DYM: variants seen among roughly 807,000 people sequenced by gnomAD.
DYM encodes dyggve-Melchior-Clausen syndrome protein.
Under a neutral mutation model 93.1 loss-of-function variants are expected in DYM, and 78 were observed. The observed-to-expected ratio is 0.84, with a 90% CI of 0.70 to 1.01. DYM has a LOEUF of 1.01. Ranked by LOEUF, DYM falls within the 50% of genes least tolerant of loss-of-function variation. The pLI is 0.00. For missense variants in DYM, 789 were observed against 845.0 expected (o/e 0.93, Z 0.82); for synonymous variants, 321 against 319.7 (o/e 1.00, Z -0.04).
At chr18:49,067,409 T>G (rs923165304) in intron 17 of DYM, among the ~76,000 whole-genome samples, 8 of 63,680 alleles carry the variant, frequency 1.3e-4, no homozygotes, top group South Asian at 5.8e-4. Flanking sequence ...GTGATGTGAG[T>G]GTTATGGAGG....
chr18:49,333,582 C>A, intron 7 of DYM, 146 bp downstream of exon 7: 1 of 841,544 alleles, frequency 1.2e-6, no homozygotes, highest in Admixed American at 2.1e-5. Context: ...AATGCGGTTC[C>A]CTATGCACTG....
At chr18:49,224,765 T>G (rs1399306977) in intron 13 of DYM, among the ~76,000 whole-genome samples, 1 of 152,114 alleles carries the variant, frequency 6.6e-6, no homozygotes, top group Non-Finnish European at 1.5e-5. Flanking sequence ...AAATGTCTGT[T>G]GTTTATAAGC....
chr18:49,447,060 C>CAAA (rs59079856), intron 1 of DYM, among the ~76,000 whole-genome samples: 73 of 98,448 alleles, frequency 7.4e-4, no homozygotes, highest in Middle Eastern at 6.6e-3. Context: ...GACTCCATCA[C>CAAA]AAAAAAAAAA....
At chr18:49,368,221 C>T (rs2066687951) in intron 5 of DYM, among the ~76,000 whole-genome samples, 1 of 152,156 alleles carries the variant, frequency 6.6e-6, no homozygotes, top group Admixed American at 6.5e-5. Flanking sequence ...ATAATATACT[C>T]TACCAGGTTT....
chr18:49,291,253 C>T (rs529472353), intron 8 of DYM, among the ~76,000 whole-genome samples: 5 of 152,202 alleles, frequency 3.3e-5, no homozygotes, highest in South Asian at 2.1e-4. Flanking sequence ...TTGTTTCTGC[C>T]GAACTAACAC....
chr18:49,330,733 GATCA>G (rs1279547136), intron 8 of DYM, among the ~76,000 whole-genome samples: 1 of 152,078 alleles, frequency 6.6e-6, no homozygotes, highest in Non-Finnish European at 1.5e-5. Context: ...AACAGTAATA[GATCA>G]ATTAAGCCTT....
At chr18:49,108,388 C>T (rs144328463) in intron 16 of DYM, among the ~76,000 whole-genome samples, 22 of 152,310 alleles carry the variant, frequency 1.4e-4, no homozygotes, top group Middle Eastern at 3.4e-3. Context: ...CTTCGGCTCA[C>T]GCGCAGTGCG....
chr18:49,240,333 CAG>C (rs756088971), intron 13 of DYM, among the ~76,000 whole-genome samples: 1 of 151,970 alleles, frequency 6.6e-6, no homozygotes, highest in Non-Finnish European at 1.5e-5. Context: ...TTTCATATGT[CAG>C]TTATACTGAC....
chr18:49,304,660 C>T (rs1385033486), intron 8 of DYM, among the ~76,000 whole-genome samples: 1 of 152,158 alleles, frequency 6.6e-6, no homozygotes, highest in African/African-American at 2.4e-5. Flanking sequence ...CATTTCTCCT[C>T]AAACATCCCA....
At chr18:49,074,723 G>A (rs1049871027) in intron 17 of DYM, among the ~76,000 whole-genome samples, 5 of 152,118 alleles carry the variant, frequency 3.3e-5, no homozygotes, top group East Asian at 1.9e-4. Context: ...CGAGTTTAAC[G>A]GCCAAAAGCA....
At chr18:49,197,040 C>A (rs371625557) in intron 14 of DYM, among the ~76,000 whole-genome samples, 1 of 152,040 alleles carries the variant, frequency 6.6e-6, no homozygotes, top group Non-Finnish European at 1.5e-5. Flanking sequence ...AGATGGTGGG[C>A]AGAAGCAACT....
At chr18:49,091,637 T>G (rs1302907661) in intron 17 of DYM, among the ~76,000 whole-genome samples, 1 of 152,212 alleles carries the variant, frequency 6.6e-6, no homozygotes, top group Non-Finnish European at 1.5e-5. Flanking sequence ...TCCATGGGTC[T>G]GGGGTAGGGC....
chr18:49,393,097 G>A (rs1204561153), intron 2 of DYM, among the ~76,000 whole-genome samples: 2 of 1,216 alleles, frequency 1.6e-3, no homozygotes, highest in African/African-American at 4.6e-3. Flanking sequence ...GGGAGGGAAG[G>A]AAGGAAGGAA....
At chr18:49,056,978 A>G (rs1288456819) in intron 17 of DYM, among the ~76,000 whole-genome samples, 1 of 152,242 alleles carries the variant, frequency 6.6e-6, no homozygotes, top group Non-Finnish European at 1.5e-5. Context: ...TACAGGTATG[A>G]GCCATGGCCT....
intron 14 of DYM, among the ~76,000 whole-genome samples, chr18:49,167,068 G>A (rs1348470130): frequency 6.6e-6 from 1 of 151,146 alleles, no homozygotes; most frequent in Non-Finnish European, 1.5e-5. Context: ...CACTATCAGA[G>A]AACAATAGAG....
chr18:49,161,935 C>T (rs1320587802), intron 15 of DYM, among the ~76,000 whole-genome samples: 1 of 152,208 alleles, frequency 6.6e-6, no homozygotes, highest in Non-Finnish European at 1.5e-5. Context: ...ATCATCACTG[C>T]AAACTCAGAA....
chr18:49,168,162 C>A (rs1455397732), intron 14 of DYM, among the ~76,000 whole-genome samples: 1 of 152,040 alleles, frequency 6.6e-6, no homozygotes, highest in African/African-American at 2.4e-5. Context: ...TTAGGATAGC[C>A]ACTGTTCTCT....
At chr18:49,300,044 G>GA (rs542171551) in intron 8 of DYM, among the ~76,000 whole-genome samples, 63 of 71,506 alleles carry the variant, frequency 8.8e-4, no homozygotes, top group East Asian at 2.3e-3. Context: ...TCCGTCTCGA[G>GA]AAAAAAAAAA....
At chr18:49,072,310 A>G (rs2076957094) in intron 17 of DYM, among the ~76,000 whole-genome samples, 1 of 152,198 alleles carries the variant, frequency 6.6e-6, no homozygotes. Context: ...TGTTTAAAGG[A>G]TTTCATTTTT....
Sources: allele counts gnomAD v4.1 joint callset (sites outside exome capture counted in the v4.1 genomes callset), GRCh38; gene constraint gnomAD v4.1.1; transcripts MANE v1.5; gene names NCBI Gene and HGNC (gene_info 2026-07-23, HGNC 2026-07-21).